The following PDE10A variants were observed in gnomAD, a reference collection of about 807,000 sequenced individuals.
PDE10A encodes the protein cAMP and cAMP-inhibited cGMP 3',5'-cyclic phosphodiesterase 10A.
PDE10A carries 39 observed loss-of-function variants against 97.7 expected under a neutral mutation model. The ratio of observed to expected loss-of-function variants is 0.40; its 90% confidence interval spans 0.31 to 0.52. PDE10A has a LOEUF of 0.52. PDE10A is among the 20% of genes least tolerant of loss of function. The pLI, the probability that PDE10A is intolerant of heterozygous loss-of-function variation, is 0.56. For synonymous variants in PDE10A, 371 were observed against 376.8 expected, an observed-to-expected ratio of 0.98 and a Z score of 0.18; for missense variants, 731 against 1,047.8, an observed-to-expected ratio of 0.70 and a Z score of 4.17.
chr6:165,749,326 CCAATACCACCATCACCACCACCATTAT>C (rs1792928602), intron 1 of PDE10A, among the ~76,000 whole-genome samples: 2 of 63,660 alleles, frequency 3.1e-5, no homozygotes, highest in African/African-American at 1.2e-4. Flanking sequence ...ATCACCATCA[CCAATACCACCATCACCACCACCATTAT>C]CACCATCACC....
intron 2 of PDE10A, among the ~76,000 whole-genome samples, chr6:165,498,371 C>T (rs1780661090): frequency 8.1e-6 from 1 of 123,880 alleles, no homozygotes. Flanking sequence ...TGCAGGGAGT[C>T]GTGATCCTGT....
rs1200175376 is a variant in PDE10A at position 165,432,954 on chromosome 6, G to C, written c.1491+20C>G. Reference sequence around the variant, plus strand: ...TAGGTACAACTAAAAATTCTAACATGCAGCATTTAAAGGCCTTACCTCCTG... The same window carrying C: ...TAGGTACAACTAAAAATTCTAACATCCAGCATTTAAAGGCCTTACCTCCTG... On this transcript the variant is annotated intron_variant, in intron 7 of 21. Coordinates refer to ENST00000539869, the MANE Select transcript of PDE10A (RefSeq NM_001385079.1). 1 of 1,603,244 alleles carries C rather than the reference G, an allele frequency of 6.2e-7. No homozygotes were observed. Among genetic ancestry groups the C allele is most frequent in the African/African-American group, 1.3e-5 (1 of 74,680 alleles).
At chr6:165,490,240 A>G (rs1351710772) in intron 2 of PDE10A, among the ~76,000 whole-genome samples, 1 of 152,242 alleles carries the variant, frequency 6.6e-6, no homozygotes, top group Non-Finnish European at 1.5e-5. Context: ...GACTAACAGC[A>G]GACTTCTCAG....
chr6:165,416,519 C>G (rs1353477513), intron 11 of PDE10A, among the ~76,000 whole-genome samples: 3 of 152,178 alleles, frequency 2.0e-5, no homozygotes, highest in Non-Finnish European at 4.4e-5. Context: ...TGAGATCAAA[C>G]AATCAACTAG....
intron 21 of PDE10A, among the ~76,000 whole-genome samples, chr6:165,333,526 C>T (rs186571631): frequency 3.0e-4 from 45 of 152,270 alleles, no homozygotes; most frequent in Non-Finnish European, 5.3e-4. Context: ...ACGGACCTTC[C>T]TACTGAGAAA....
chr6:165,814,455 A>AT (rs34985790), intron 1 of PDE10A, among the ~76,000 whole-genome samples: 8 of 151,448 alleles, frequency 5.3e-5, no homozygotes, highest in African/African-American at 1.9e-4. Flanking sequence ...TCCTAAAGGT[A>AT]TTTTTTTTTT....
chr6:165,426,054 T>C (rs1789133632), intron 10 of PDE10A, among the ~76,000 whole-genome samples: 1 of 152,008 alleles, frequency 6.6e-6, no homozygotes, highest in Non-Finnish European at 1.5e-5. Context: ...TCTAGATAAA[T>C]GGAAAAATAC....
At chr6:165,772,462 C>G (rs762564779) in intron 1 of PDE10A, among the ~76,000 whole-genome samples, 4 of 152,176 alleles carry the variant, frequency 2.6e-5, no homozygotes, top group Admixed American at 2.0e-4. Context: ...CTCCATGCGG[C>G]GTCCTAGGGC....
intron 18 of PDE10A, among the ~76,000 whole-genome samples, chr6:165,352,188 G>A (rs1782737700): frequency 6.6e-6 from 1 of 152,154 alleles, no homozygotes; most frequent in South Asian, 2.1e-4. Flanking sequence ...TTAACTTTAA[G>A]TATTAATTTT....
At chr6:165,772,183 G>GT (rs1778031608) in intron 1 of PDE10A, among the ~76,000 whole-genome samples, 1 of 152,128 alleles carries the variant, frequency 6.6e-6, no homozygotes, top group South Asian at 2.1e-4. Context: ...ATAAAGCATT[G>GT]TGTTTTTGAA....
chr6:165,952,438 G>A (rs1783993763), intron 1 of PDE10A, among the ~76,000 whole-genome samples: 1 of 152,068 alleles, frequency 6.6e-6, no homozygotes, highest in Non-Finnish European at 1.5e-5. Flanking sequence ...ATGGTCTGTG[G>A]GAAAAACACC....
At chr6:165,439,013 A>T (rs1790247079) in intron 5 of PDE10A, among the ~76,000 whole-genome samples, 1 of 151,912 alleles carries the variant, frequency 6.6e-6, no homozygotes, top group Non-Finnish European at 1.5e-5. Flanking sequence ...AAGTATCTAC[A>T]TGAAGGCATT....
chr6:165,743,057 C>A (rs903271293), intron 1 of PDE10A, among the ~76,000 whole-genome samples: 1 of 152,164 alleles, frequency 6.6e-6, no homozygotes, highest in African/African-American at 2.4e-5. Context: ...CTGTAGCACC[C>A]CTACCCTGCC....
At chr6:165,335,525 G>A (rs1032785016) in intron 21 of PDE10A, among the ~76,000 whole-genome samples, 5 of 152,172 alleles carry the variant, frequency 3.3e-5, no homozygotes, top group Admixed American at 6.5e-5. Context: ...GTGGCTGTAC[G>A]AGTCATGAGA....
At position 165,624,661 on chromosome 6, in the gene PDE10A, G is replaced by A. The variant is rs535766104; in HGVS notation, c.865+37286C>T. On this transcript the variant is annotated intron_variant, in intron 1 of 21. Transcript: ENST00000539869. ...GCAGCAAACTCTTCATTCACCCATC[G>A]GAAAAACTTCACTGAGCAGCAGCTC... 5.9e-5 allele frequency among the ~76,000 whole-genome samples: 9 copies of A among 152,226 alleles called. No individual in the cohort carries two copies. The East Asian group carries it at 7.7e-4, about 13-fold the overall frequency.
intron 1 of PDE10A, among the ~76,000 whole-genome samples, chr6:165,734,950 GTAGATAGATAGATAGA>G (rs60771144): frequency 5.2e-4 from 78 of 150,724 alleles, no homozygotes; most frequent in South Asian, 1.5e-3. Flanking sequence ...CAATAAGAAA[GTAGATAGATAGATAGA>G]TAGATAGATA....
chr6:165,882,120 A>C (rs1188749090), intron 1 of PDE10A, among the ~76,000 whole-genome samples: 1 of 152,214 alleles, frequency 6.6e-6, no homozygotes, highest in Non-Finnish European at 1.5e-5. Context: ...GAAGTGTGAA[A>C]TAAACTGAAA....
chr6:165,435,290 A>G lies in PDE10A; in HGVS notation c.1282T>C (p.Ser428Pro). 5.0e-6 allele frequency: 8 copies of G among 1,614,110 alleles called. No homozygotes were observed. The highest frequency in any genetic ancestry group is 6.8e-6 in the Non-Finnish European group (8 of 1,179,952). ...TTCCTGGACTTGGCCACATAAGCAG[A>G]GACGGTGGTGCCCTGAGTGATGGGC... ...AGPITQGTTV[S>P]AYVAKSRKTL... The change falls in exon 6 of 22, where the codon TCT (serine) becomes CCT (proline). Residue 428 changes from serine (S) to proline (P), a missense_variant. Ser to Pro is a moderately conservative substitution (Grantham distance 74, BLOSUM62 -1). Coordinates refer to ENST00000539869, the MANE Select transcript of PDE10A (RefSeq NM_001385079.1).
chr6:165,873,539 CA>C (rs772332370), intron 1 of PDE10A, among the ~76,000 whole-genome samples: 1 of 152,040 alleles, frequency 6.6e-6, no homozygotes, highest in Non-Finnish European at 1.5e-5. Context: ...AAGAGAGCAA[CA>C]CCTGCTGATC....
Sources: allele counts gnomAD v4.1 joint callset (sites outside exome capture counted in the v4.1 genomes callset), GRCh38; gene constraint gnomAD v4.1.1; transcripts MANE v1.5; gene names NCBI Gene and HGNC (gene_info 2026-07-23, HGNC 2026-07-21).